Variants in GALNTL6 observed in about 807,000 individuals in gnomAD.
The protein encoded by GALNTL6 is polypeptide N-acetylgalactosaminyltransferase like 6.
Under a neutral mutation model 73.7 loss-of-function variants are expected in GALNTL6, and 46 were observed. That is an observed-to-expected ratio of 0.62 (90% CI 0.49 to 0.80). The LOEUF (loss-of-function observed/expected upper bound fraction) is 0.80. Ranked by LOEUF, GALNTL6 falls within the 30% of genes least tolerant of loss-of-function variation. The pLI is 0.00. For synonymous variants in GALNTL6, 259 were observed against 263.7 expected (o/e 0.98, Z 0.17); for missense variants, 604 against 755.0 (o/e 0.80, Z 2.34).
chr4:172,533,262 G>T (rs559738992), intron 5 of GALNTL6, among the ~76,000 whole-genome samples: 1 of 145,476 alleles, frequency 6.9e-6, no homozygotes, highest in South Asian at 2.2e-4. Flanking sequence ...ATCCACCCAC[G>T]TCAGCATCCC....
At chr4:172,991,665 C>T (rs1751553194) in intron 10 of GALNTL6, among the ~76,000 whole-genome samples, 1 of 152,126 alleles carries the variant, frequency 6.6e-6, no homozygotes, top group African/African-American at 2.4e-5. Context: ...ACCTCAGCCT[C>T]CCAAAGTGCT....
intron 5 of GALNTL6, among the ~76,000 whole-genome samples, chr4:172,448,184 A>G (rs1455118229): frequency 1.3e-5 from 2 of 152,204 alleles, no homozygotes; most frequent in African/African-American, 4.8e-5. Flanking sequence ...TTGGTTTAGC[A>G]TATATGTCAG....
intron 2 of GALNTL6, among the ~76,000 whole-genome samples, chr4:172,094,596 ATG>A (rs564910880): frequency 3.6e-4 from 55 of 152,208 alleles, no homozygotes; most frequent in South Asian, 2.7e-3. Context: ...CAAATAAATT[ATG>A]TGTTTTTTTA....
intron 7 of GALNTL6, among the ~76,000 whole-genome samples, chr4:172,878,702 A>C (rs1745310343): frequency 6.6e-6 from 1 of 151,860 alleles, no homozygotes; most frequent in Non-Finnish European, 1.5e-5. Flanking sequence ...CAAAAAGAAG[A>C]CAAAAAATGG....
intron 7 of GALNTL6, among the ~76,000 whole-genome samples, chr4:172,841,835 T>G (rs932753789): frequency 2.6e-5 from 4 of 152,208 alleles, no homozygotes; most frequent in African/African-American, 9.6e-5. Flanking sequence ...AACCCCTATC[T>G]TCTGCCATTT....
chr4:171,919,991 A>G (rs1227151209), intron 2 of GALNTL6, among the ~76,000 whole-genome samples: 1 of 152,222 alleles, frequency 6.6e-6, no homozygotes, highest in Non-Finnish European at 1.5e-5. Context: ...ACAATAGCAA[A>G]GACTTGGAAC....
chr4:172,718,715 G>A (rs1159849134), intron 5 of GALNTL6, among the ~76,000 whole-genome samples: 1 of 151,562 alleles, frequency 6.6e-6, no homozygotes, highest in East Asian at 1.9e-4. Context: ...TGGTTTTGAA[G>A]TCAATATGCT....
intron 2 of GALNTL6, among the ~76,000 whole-genome samples, chr4:171,924,121 C>G (rs1399220410): frequency 6.6e-6 from 1 of 151,478 alleles, no homozygotes; most frequent in Non-Finnish European, 1.5e-5. Flanking sequence ...GGTCCCTGCT[C>G]TGGCCTCTGG....
At chr4:172,308,052 G>T (rs1158336392) in intron 3 of GALNTL6, among the ~76,000 whole-genome samples, 3 of 86,300 alleles carry the variant, frequency 3.5e-5, no homozygotes, top group African/African-American at 1.3e-4. Context: ...TGTAACAGTG[G>T]TTAAGTTGTT....
intron 10 of GALNTL6, among the ~76,000 whole-genome samples, chr4:172,994,680 C>T (rs1444184042): frequency 6.6e-6 from 1 of 152,076 alleles, no homozygotes; most frequent in Non-Finnish European, 1.5e-5. Flanking sequence ...AATTATTTTA[C>T]CTGAAAATAA....
At chr4:172,708,643 A>T (rs927755528) in intron 5 of GALNTL6, among the ~76,000 whole-genome samples, 1 of 152,232 alleles carries the variant, frequency 6.6e-6, no homozygotes, top group Non-Finnish European at 1.5e-5. Flanking sequence ...AAGAATCTGA[A>T]CAGTGTCCCC....
intron 7 of GALNTL6, among the ~76,000 whole-genome samples, chr4:172,865,821 G>T (rs1037921593): frequency 1.3e-5 from 2 of 151,916 alleles, no homozygotes; most frequent in Non-Finnish European, 2.9e-5. Context: ...TTTATCCTGG[G>T]TCTTTTCATC....
chr4:171,869,442 C>A (rs1736073701), intron 2 of GALNTL6, among the ~76,000 whole-genome samples: 1 of 152,116 alleles, frequency 6.6e-6, no homozygotes, highest in African/African-American at 2.4e-5. Flanking sequence ...GCTTGGCACA[C>A]CCCTGCCCAT....
At chr4:172,963,643 C>T (rs745725995) in intron 10 of GALNTL6, among the ~76,000 whole-genome samples, 3 of 152,218 alleles carry the variant, frequency 2.0e-5, no homozygotes, top group Non-Finnish European at 4.4e-5. Flanking sequence ...TGCCCACACA[C>T]CTGTGTGTGT....
At chr4:171,955,420 C>G (rs1739013971) in intron 2 of GALNTL6, among the ~76,000 whole-genome samples, 1 of 151,676 alleles carries the variant, frequency 6.6e-6, no homozygotes, top group Admixed American at 6.6e-5. Context: ...ATACAGTTGA[C>G]CCCCGATATT....
At chr4:171,879,645 C>T (rs1342403912) in intron 2 of GALNTL6, among the ~76,000 whole-genome samples, 1 of 152,054 alleles carries the variant, frequency 6.6e-6, no homozygotes, top group Non-Finnish European at 1.5e-5. Flanking sequence ...AATCATATTT[C>T]TTGTTTAAAA....
chr4:172,103,172 A>C (rs1732570218), intron 2 of GALNTL6, among the ~76,000 whole-genome samples: 1 of 152,214 alleles, frequency 6.6e-6, no homozygotes, highest in Admixed American at 6.5e-5. Context: ...TGGGGAGGCC[A>C]GCTTTCCCTC....
At chr4:172,256,155 T>C (rs893592220) in intron 3 of GALNTL6, among the ~76,000 whole-genome samples, 1 of 151,522 alleles carries the variant, frequency 6.6e-6, no homozygotes, top group Non-Finnish European at 1.5e-5. Context: ...ATCATCTTCC[T>C]GACTTTTCAA....
At chr4:172,460,305 C>T (rs912165235) in intron 5 of GALNTL6, among the ~76,000 whole-genome samples, 15 of 152,080 alleles carry the variant, frequency 9.9e-5, no homozygotes, top group African/African-American at 3.1e-4. Context: ...AGGACATAGT[C>T]ATGGGCAAAG....
Sources: gnomAD v4.1 joint callset for allele counts (sites outside exome capture counted in the v4.1 genomes callset) on GRCh38, gnomAD v4.1.1 for gene constraint, MANE v1.5 for transcripts, NCBI Gene and HGNC (gene_info 2026-07-23, HGNC 2026-07-21) for gene names.